Variants in KCNQ4 observed in about 807,000 individuals in gnomAD.
The protein encoded by KCNQ4 is potassium voltage-gated channel subfamily KQT member 4.
KCNQ4 carries 31 observed loss-of-function variants against 72.6 expected under a neutral mutation model. That is an observed-to-expected ratio of 0.43 (90% confidence interval 0.32 to 0.58). The LOEUF (loss-of-function observed/expected upper bound fraction) is 0.58. Ranked by LOEUF, KCNQ4 falls within the 20% of genes least tolerant of loss-of-function variation. The probability of loss-of-function intolerance (pLI) is 0.08; values close to 1 mark genes in which losing one functional copy is unlikely to be tolerated. For missense variants in KCNQ4, 869 were observed against 962.6 expected (o/e 0.90, Z 1.29); for synonymous variants, 405 against 403.7 (o/e 1.00, Z -0.04).
chr1:40,818,436 A>G, intron 3 of KCNQ4, 69 bp from the exon 4 acceptor site: 1 of 1,289,824 alleles, frequency 7.8e-7, no homozygotes, highest in African/African-American at 1.6e-5. Flanking sequence ...CCACATCCCC[A>G]GAAGTCCCCG....
intron 11 of KCNQ4, among the ~76,000 whole-genome samples, chr1:40,834,453 A>G (rs1648749311): frequency 6.6e-6 from 1 of 152,102 alleles, no homozygotes; most frequent in Non-Finnish European, 1.5e-5. Flanking sequence ...ATGCTAAAGC[A>G]GAGTAACTGA....
Position 40,818,639 on chromosome 1 carries a change from AC to A in KCNQ4, c.669del (p.Trp224GlyfsTer15). 1 of 1,606,398 alleles carries A rather than the reference AC, an allele frequency of 6.2e-7. No individual in the cohort carries two copies. The highest frequency in any genetic ancestry group is 8.5e-7 in the Non-Finnish European group (1 of 1,179,296). ...RMVRMDRRGG[T>X]WKLLGSVVYA... ...GGTGCGCATGGACCGCCGCGGCGGC[AC>A]CTGGAAGCTGCTGGGCTCAGTGGTC... On this transcript the variant is annotated frameshift_variant, in exon 4 of 14. Transcript: ENST00000347132. LOFTEE classifies it high-confidence loss of function.
At chr1:40,832,982 G>A (rs770629916) in intron 10 of KCNQ4, 32 bp from the exon 11 acceptor site, 2 of 1,524,006 alleles carry the variant, frequency 1.3e-6, no homozygotes, top group Non-Finnish European at 1.8e-6. Context: ...GGCCCCTTTG[G>A]TGGGCCACTT....
At chr1:40,804,138 C>T (rs1647678631) in intron 1 of KCNQ4, among the ~76,000 whole-genome samples, 1 of 152,208 alleles carries the variant, frequency 6.6e-6, no homozygotes, top group Non-Finnish European at 1.5e-5. Context: ...TTACCCTGAC[C>T]CCTGCCAGGT....
intron 1 of KCNQ4, among the ~76,000 whole-genome samples, chr1:40,805,844 A>T (rs930091386): frequency 8.9e-5 from 13 of 146,422 alleles, no homozygotes; most frequent in East Asian, 7.9e-4. Flanking sequence ...TTCACATGAA[A>T]TTTTTTTTTT....
intron 1 of KCNQ4, among the ~76,000 whole-genome samples, chr1:40,816,323 G>A (rs1041809556): frequency 1.3e-5 from 2 of 152,142 alleles, no homozygotes; most frequent in Non-Finnish European, 2.9e-5. Flanking sequence ...TGCTGTGTCT[G>A]CAGCCTGTGA....
At chr1:40,831,421 C>T (rs773911467) in intron 10 of KCNQ4, 117 bp downstream of exon 10, 6 of 796,598 alleles carry the variant, frequency 7.5e-6, no homozygotes, top group Middle Eastern at 2.5e-4. Context: ...ACTGATGGAC[C>T]GTCTTTGGGC....
At chr1:40,792,406 C>G (rs374736863) in intron 1 of KCNQ4, among the ~76,000 whole-genome samples, 5 of 152,326 alleles carry the variant, frequency 3.3e-5, no homozygotes, top group African/African-American at 1.2e-4. Context: ...CTTTCTACCC[C>G]CATCCTCTCT....
intron 1 of KCNQ4, among the ~76,000 whole-genome samples, chr1:40,797,703 C>G (rs570066535): frequency 1.1e-4 from 17 of 152,178 alleles, no homozygotes; most frequent in Non-Finnish European, 2.2e-4. Flanking sequence ...TACCTTCCCC[C>G]CAGGGTCCAG....
chr1:40,818,748 G>C (rs1648181812), intron 4 of KCNQ4, 68 bp downstream of exon 4: 5 of 1,511,130 alleles, frequency 3.3e-6, no homozygotes, highest in Admixed American at 2.0e-5. Flanking sequence ...CGGGCAGGGC[G>C]GAGAGGGCGA....
In KCNQ4 at chr1:40,838,405, T is replaced by C. The variant is rs960662188; in HGVS notation, c.1970T>C (p.Val657Ala). The C allele has an allele frequency of 7.4e-6, 12 of 1,614,104 alleles. No homozygotes were observed. The East Asian group carries it at 2.7e-4, about 36-fold the overall frequency. ...TCGGCCAGCCTGGGCGCCGTGCAAG[T>C]GCCGCTGTTCGACCCCGACATCACC... is the stretch of plus-strand genomic sequence containing the variant. The part of the protein sequence containing the change: ...GTSASLGAVQ[V>A]PLFDPDITSD... The change falls in exon 14 of 14, where the codon GTG (valine) becomes GCG (alanine). Residue 657 changes from valine (V) to alanine (A), a missense_variant. By Grantham distance (64) the Val-to-Ala change is moderately conservative. Around this residue, in one of 5 missense-constraint regions of KCNQ4, gnomAD observed 480 missense variants for 501.9 expected, o/e 0.96. Transcript: ENST00000347132.
chr1:40,812,104 A>G (rs1647948095), intron 1 of KCNQ4, among the ~76,000 whole-genome samples: 1 of 152,154 alleles, frequency 6.6e-6, no homozygotes, highest in Admixed American at 6.5e-5. Context: ...CACTCCAGGA[A>G]GGCCAAGGCA....
At chr1:40,799,436 C>T (rs1445867810) in intron 1 of KCNQ4, among the ~76,000 whole-genome samples, 1 of 151,828 alleles carries the variant, frequency 6.6e-6, no homozygotes, top group Non-Finnish European at 1.5e-5. Context: ...GGCCATGCCC[C>T]CCCCCTCGCT....
At chr1:40,834,596 TA>T (rs113990313) in intron 11 of KCNQ4, among the ~76,000 whole-genome samples, 1,427 of 136,668 alleles carry the variant, frequency 0.01, 16 homozygotes, top group African/African-American at 0.033. Context: ...AAATAAAAAT[TA>T]AAAAAAAAAA....
intron 9 of KCNQ4, among the ~76,000 whole-genome samples, chr1:40,827,331 G>A (rs894902162): frequency 6.6e-6 from 1 of 152,208 alleles, no homozygotes; most frequent in African/African-American, 2.4e-5. Flanking sequence ...TGGAGCCCGG[G>A]TCAGGCACAC....
chr1:40,825,829 G>A (rs1570840671), intron 9 of KCNQ4, among the ~76,000 whole-genome samples: 1 of 152,188 alleles, frequency 6.6e-6, no homozygotes, highest in South Asian at 2.1e-4. Context: ...CAAGGGGAAT[G>A]GACATTAGCC....
At chr1:40,822,511 G>T in intron 8 of KCNQ4, 109 bp downstream of exon 8, 1 of 854,750 alleles carries the variant, frequency 1.2e-6, no homozygotes, top group South Asian at 1.5e-5. Flanking sequence ...ATGGCTCCCA[G>T]GGGAGCACCC....
At chr1:40,786,614 A>G (rs1403230717) in intron 1 of KCNQ4, among the ~76,000 whole-genome samples, 1 of 152,224 alleles carries the variant, frequency 6.6e-6, no homozygotes, top group African/African-American at 2.4e-5. Context: ...CAAAGGGGAC[A>G]GAGGTGTCAG....
At chr1:40,819,155 T>A (rs1236354310) in intron 4 of KCNQ4, among the ~76,000 whole-genome samples, 192 bp from the exon 5 acceptor site, 1 of 12,812 alleles carries the variant, frequency 7.8e-5, no homozygotes, top group East Asian at 2.1e-3. Context: ...GGAATGGGGG[T>A]CGGGGTAGGG....
Sources: gnomAD v4.1 joint callset for allele counts (sites outside exome capture counted in the v4.1 genomes callset) on GRCh38, gnomAD v4.1.1 for gene constraint, gnomAD v4.1.1 regional missense constraint, MANE v1.5 for transcripts, NCBI Gene and HGNC (gene_info 2026-07-23, HGNC 2026-07-21) for gene names.